Variants in SCARA5 observed in about 807,000 individuals in gnomAD.
The protein encoded by SCARA5 is scavenger receptor class A member 5.
Under a neutral mutation model 46.3 loss-of-function variants are expected in SCARA5, and 45 were observed. The ratio of observed to expected loss-of-function variants is 0.97; its 90% confidence interval spans 0.76 to 1.24. SCARA5 has a LOEUF of 1.24. Ranked by LOEUF, SCARA5 falls within the 50% of genes most tolerant of loss-of-function variation. The pLI, the probability that SCARA5 is intolerant of heterozygous loss-of-function variation, is 0.00. For synonymous variants in SCARA5, 333 were observed against 306.5 expected, an observed-to-expected ratio of 1.09 and a Z score of -0.90; for missense variants, 680 against 689.0, an observed-to-expected ratio of 0.99 and a Z score of 0.15.
At chr8:27,992,143 G>A (rs1292744849) in intron 1 of SCARA5, 114 bp downstream of exon 1, 1 of 152,240 alleles carries the variant, frequency 6.6e-6, no homozygotes, top group African/African-American at 2.4e-5. Context: ...CAGGCTCTAG[G>A]TCTGAAGTTT....
chr8:27,882,593 C>T (rs1214149761), intron 7 of SCARA5, among the ~76,000 whole-genome samples: 1 of 152,182 alleles, frequency 6.6e-6, no homozygotes, highest in Non-Finnish European at 1.5e-5. Flanking sequence ...TTCACTTTCC[C>T]ACTAGGCTGT....
intron 7 of SCARA5, among the ~76,000 whole-genome samples, chr8:27,893,108 C>T (rs1240656129): frequency 2.6e-5 from 4 of 152,092 alleles, no homozygotes; most frequent in Non-Finnish European, 5.9e-5. Flanking sequence ...AGGGATGTAT[C>T]CTTGAAAGCC....
At chr8:27,989,958 T>G (rs1344388292) in intron 1 of SCARA5, among the ~76,000 whole-genome samples, 1 of 152,228 alleles carries the variant, frequency 6.6e-6, no homozygotes, top group African/African-American at 2.4e-5. Context: ...CTCTTTTGCC[T>G]GCAATAACCC....
chr8:27,900,419 C>T (rs116968707), intron 7 of SCARA5, among the ~76,000 whole-genome samples: 6,218 of 152,286 alleles, frequency 0.041, 189 homozygotes, highest in South Asian at 0.1. Context: ...TGAGTTTACA[C>T]TGCATGCTGG....
chr8:27,959,893 TAA>T (rs1002693811), intron 3 of SCARA5, among the ~76,000 whole-genome samples: 11 of 152,200 alleles, frequency 7.2e-5, no homozygotes, highest in African/African-American at 2.4e-4. Flanking sequence ...CTCCCTCCCC[TAA>T]AGAGCTACAA....
chr8:27,876,604 T>C (rs910977372), intron 8 of SCARA5, among the ~76,000 whole-genome samples: 3 of 152,052 alleles, frequency 2.0e-5, no homozygotes, highest in African/African-American at 7.2e-5. Context: ...ACAGCTGCCA[T>C]TGGAGAAGCC....
chr8:27,889,693 T>G (rs1004350082), intron 7 of SCARA5, among the ~76,000 whole-genome samples: 1 of 152,234 alleles, frequency 6.6e-6, no homozygotes, highest in African/African-American at 2.4e-5. Context: ...GCAATGCTTC[T>G]AACTAAAATT....
chr8:27,870,895 T>C lies in SCARA5; in HGVS notation c.*1039A>G, dbSNP rs1478515915. On this transcript the variant is annotated 3_prime_UTR_variant, in exon 9 of 9. Coordinates refer to ENST00000354914, the MANE Select transcript of SCARA5 (RefSeq NM_173833.6). ...TCCAAACAGCTGAGACACACATGAC[T>C]TGGCTTTAACCGTGACTGCCCAATG... 1 of 152,260 alleles carries C rather than the reference T, an allele frequency of 6.6e-6. No individual in the cohort carries two copies. Among genetic ancestry groups the C allele is most frequent in the East Asian group, 1.9e-4 (1 of 5,198 alleles). The allele number at this position is 152,260 out of a possible 1,614,324, so 9.4% of individuals were successfully genotyped here.
At chr8:27,934,675 C>T (rs994425719) in intron 3 of SCARA5, among the ~76,000 whole-genome samples, 1 of 152,222 alleles carries the variant, frequency 6.6e-6, no homozygotes, top group African/African-American at 2.4e-5. Context: ...TCCCCCAGAG[C>T]TCTTCCTTGC....
chr8:27,989,729 C>T (rs949058175), intron 1 of SCARA5, among the ~76,000 whole-genome samples: 2 of 152,250 alleles, frequency 1.3e-5, no homozygotes, highest in East Asian at 1.9e-4. Flanking sequence ...ACACCACCCA[C>T]TCTGGCTTCC....
chr8:27,960,234 T>C (rs942937681), intron 3 of SCARA5, among the ~76,000 whole-genome samples: 4 of 151,814 alleles, frequency 2.6e-5, no homozygotes, highest in African/African-American at 7.3e-5. Flanking sequence ...TGGAGCGCAA[T>C]GATGCAATCA....
chr8:27,886,234 T>A (rs1057266261), intron 7 of SCARA5: 1 of 152,486 alleles, frequency 6.6e-6, no homozygotes, highest in Non-Finnish European at 1.5e-5. Flanking sequence ...ACTCAGGGCT[T>A]CCCCCCATGG....
At chr8:27,986,043 C>A (rs1808700651) in intron 2 of SCARA5, among the ~76,000 whole-genome samples, 1 of 152,186 alleles carries the variant, frequency 6.6e-6, no homozygotes, top group African/African-American at 2.4e-5. Context: ...CCCTGATAGT[C>A]CTCTCCAATC....
intron 2 of SCARA5, among the ~76,000 whole-genome samples, chr8:27,986,798 G>C (rs753559624): frequency 2.0e-5 from 3 of 152,202 alleles, no homozygotes; most frequent in African/African-American, 7.2e-5. Context: ...TCTTTGCAAG[G>C]CTCCTCAGTA....
chr8:27,968,719 G>A (rs1432940809), intron 2 of SCARA5, among the ~76,000 whole-genome samples: 1 of 152,206 alleles, frequency 6.6e-6, no homozygotes, highest in African/African-American at 2.4e-5. Context: ...GACAGAATAG[G>A]AGGAGGAAAA....
intron 3 of SCARA5, among the ~76,000 whole-genome samples, chr8:27,931,165 G>C (rs1351904359): frequency 2.0e-5 from 3 of 152,248 alleles, no homozygotes; most frequent in Non-Finnish European, 2.9e-5. Flanking sequence ...CTGTGCACAG[G>C]AAACAATTAG....
At chr8:27,972,889 A>G (rs147983752) in intron 2 of SCARA5, among the ~76,000 whole-genome samples, 2 of 152,242 alleles carry the variant, frequency 1.3e-5, no homozygotes, top group East Asian at 3.9e-4. Context: ...TCTAGAAGGT[A>G]GTATATTAAG....
chr8:27,991,548 C>T (rs748869275), intron 1 of SCARA5, among the ~76,000 whole-genome samples: 2 of 152,160 alleles, frequency 1.3e-5, no homozygotes, highest in African/African-American at 2.4e-5. Context: ...GTGGGTAGCA[C>T]GAGCCTCATT....
chr8:27,923,312 T>C (rs762145779), intron 3 of SCARA5, among the ~76,000 whole-genome samples: 2 of 152,192 alleles, frequency 1.3e-5, no homozygotes, highest in Non-Finnish European at 2.9e-5. Flanking sequence ...GCCAACAGCC[T>C]GTCTGGGTGT....
Sources: allele counts gnomAD v4.1 joint callset (sites outside exome capture counted in the v4.1 genomes callset), GRCh38; gene constraint gnomAD v4.1.1; transcripts MANE v1.5; gene names NCBI Gene and HGNC (gene_info 2026-07-23, HGNC 2026-07-21).